Variants in EPHB2 observed in about 807,000 individuals in gnomAD.
The protein encoded by EPHB2 is EPH receptor B2.
In EPHB2, 18 loss-of-function variants were observed where a neutral mutation model predicts 96.4. The observed-to-expected ratio is 0.19, with a 90% CI of 0.13 to 0.28. EPHB2 has a LOEUF of 0.28. Ranked by LOEUF, EPHB2 falls within the 10% of genes least tolerant of loss-of-function variation. The probability of loss-of-function intolerance (pLI) is 1.00; values close to 1 mark genes in which losing one functional copy is unlikely to be tolerated. For synonymous variants in EPHB2, 506 were observed against 534.1 expected (o/e 0.95, Z 0.72); for missense variants, 989 against 1,355.4 (o/e 0.73, Z 4.25).
At chr1:22,873,968 G>A (rs1396429811) in intron 5 of EPHB2, among the ~76,000 whole-genome samples, 1 of 152,230 alleles carries the variant, frequency 6.6e-6, no homozygotes, top group Admixed American at 6.5e-5. Context: ...ATGGATAGTT[G>A]TAGCGTCTGC....
chr1:22,759,903 A>G (rs1446255739), intron 1 of EPHB2, among the ~76,000 whole-genome samples: 3 of 152,184 alleles, frequency 2.0e-5, no homozygotes, highest in African/African-American at 7.2e-5. Flanking sequence ...GCAGGCCTGC[A>G]TGTGTGTCAG....
intron 3 of EPHB2, among the ~76,000 whole-genome samples, chr1:22,835,067 G>A (rs1645360030): frequency 6.6e-6 from 1 of 152,098 alleles, no homozygotes. Flanking sequence ...ATTGTATACA[G>A]CACAGGAGTT....
chr1:22,808,918 C>T (rs1313501081), intron 3 of EPHB2, among the ~76,000 whole-genome samples: 2 of 152,222 alleles, frequency 1.3e-5, no homozygotes, highest in Non-Finnish European at 2.9e-5. Context: ...CATGGGACCT[C>T]GTGGCCCCCA....
chr1:22,778,001 G>C (rs529752854), intron 1 of EPHB2, among the ~76,000 whole-genome samples: 55 of 148,064 alleles, frequency 3.7e-4, no homozygotes, highest in Admixed American at 6.2e-4. Context: ...AACAAATAAA[G>C]GTCCGTTTGT....
intron 1 of EPHB2, among the ~76,000 whole-genome samples, chr1:22,766,830 G>A (rs1247814591): frequency 6.6e-6 from 1 of 152,228 alleles, no homozygotes; most frequent in African/African-American, 2.4e-5. Flanking sequence ...GCTGCCCCAG[G>A]CTGCTGCTAT....
At chr1:22,803,207 T>C (rs1334879416) in intron 3 of EPHB2, among the ~76,000 whole-genome samples, 1 of 152,130 alleles carries the variant, frequency 6.6e-6, no homozygotes, top group East Asian at 1.9e-4. Context: ...CATAGCTGCC[T>C]GGGCCGGGCA....
At chr1:22,850,422 C>T (rs896938991) in intron 3 of EPHB2, among the ~76,000 whole-genome samples, 1 of 152,228 alleles carries the variant, frequency 6.6e-6, no homozygotes, top group Non-Finnish European at 1.5e-5. Context: ...CTCACCCTCA[C>T]GGTACCAGGA....
At chr1:22,828,274 A>T (rs1474467571) in intron 3 of EPHB2, among the ~76,000 whole-genome samples, 2 of 151,988 alleles carry the variant, frequency 1.3e-5, no homozygotes, top group Admixed American at 1.3e-4. Flanking sequence ...GTGGGTGCAT[A>T]TGCCTCTCCA....
chr1:22,719,590 C>T (rs146604568), intron 1 of EPHB2: 2 of 152,204 alleles, frequency 1.3e-5, no homozygotes, highest in Non-Finnish European at 1.5e-5. Flanking sequence ...GGAGACGTAC[C>T]CTTGGTGCTC....
At chr1:22,892,751 G>A (rs919744370) in intron 6 of EPHB2, 133 bp from the exon 7 acceptor site, 7 of 1,110,558 alleles carry the variant, frequency 6.3e-6, no homozygotes, top group African/African-American at 6.1e-5. Context: ...TTAAAGGGAG[G>A]GGATGAAGAA....
chr1:22,790,525 G>A lies in EPHB2; in HGVS notation c.811+5449G>A, dbSNP rs568931236. On this transcript the variant is annotated intron_variant, in intron 3 of 15. Coordinates refer to ENST00000374630, the MANE Select transcript of EPHB2 (RefSeq NM_017449.5). The surrounding 1 kb of genome is among the most constrained non-coding windows in gnomAD (Gnocchi z 4.0). ...TCTGACTCTTTCTAGAGTATGATAG[G>A]TGTGATTGTGAATGTTCCCCTGCCC... Among the ~76,000 whole-genome samples, 3 of 152,244 alleles carry A rather than the reference G, an allele frequency of 2.0e-5. No homozygotes were observed. Among genetic ancestry groups the A allele is most frequent in the African/African-American group, 7.2e-5 (3 of 41,542 alleles).
At chr1:22,802,375 A>G (rs1023846262) in intron 3 of EPHB2, among the ~76,000 whole-genome samples, 1 of 151,990 alleles carries the variant, frequency 6.6e-6, no homozygotes, top group Non-Finnish European at 1.5e-5. Flanking sequence ...TTGACTCTTC[A>G]TTTGCAAAAC....
At chr1:22,735,634 G>T (rs959416138) in intron 1 of EPHB2, among the ~76,000 whole-genome samples, 1 of 152,100 alleles carries the variant, frequency 6.6e-6, no homozygotes, top group Non-Finnish European at 1.5e-5. Context: ...ACTTCCCAGG[G>T]GTCTGATTTG....
At chr1:22,764,616 C>T (rs1283727603) in intron 1 of EPHB2, among the ~76,000 whole-genome samples, 10 of 151,904 alleles carry the variant, frequency 6.6e-5, no homozygotes, top group Non-Finnish European at 1.3e-4. Context: ...TGTGGTGGCT[C>T]GCACCTATAA....
rs543853925 is a variant in EPHB2 at position 22,747,926 on chromosome 1, GATA to G, written c.62-33490_62-33488del. 3.0e-3 allele frequency among the ~76,000 whole-genome samples: 450 copies of G among 152,302 alleles called. 5 individuals are homozygous for G. The highest frequency in any genetic ancestry group is 0.01 in the African/African-American group (419 of 41,564). On this transcript the variant is annotated intron_variant, in intron 1 of 15. Transcript: ENST00000374630. Reference sequence around the variant, plus strand: ...TCAGTTACTTCATTCAGCACCTGAAGATAATAACACACTGTGGTGGAGCTGTGT... The same window carrying G: ...TCAGTTACTTCATTCAGCACCTGAAGATAACACACTGTGGTGGAGCTGTGT...
At chr1:22,775,110 C>G (rs547429702) in intron 1 of EPHB2, 46 of 753,516 alleles carry the variant, frequency 6.1e-5, no homozygotes, top group Admixed American at 4.0e-4. Context: ...TGCACACACA[C>G]AAGCCCTGAT....
intron 3 of EPHB2, among the ~76,000 whole-genome samples, chr1:22,851,637 T>G (rs1051884143): frequency 2.6e-5 from 4 of 152,002 alleles, no homozygotes; most frequent in East Asian, 3.9e-4. Flanking sequence ...AATAAGGAAC[T>G]TAGCCCAGAA....
Position 22,733,450 on chromosome 1 carries a change from T to C in EPHB2, c.61+22407T>C, listed in dbSNP as rs1643760547. On this transcript the variant is annotated intron_variant, in intron 1 of 15. Coordinates refer to ENST00000374630, the MANE Select transcript of EPHB2 (RefSeq NM_017449.5). This position sits in a 1 kb window ranked among gnomAD's most constrained non-coding sequence, Gnocchi z 4.6. ...AGTCACACAGTGATGAGTGATGATATGAATGATGAAAATATTAGCGTTATA... is the reference window on the plus strand; with the variant it reads ...AGTCACACAGTGATGAGTGATGATACGAATGATGAAAATATTAGCGTTATA... Among the ~76,000 whole-genome samples the C allele has an allele frequency of 6.6e-6, 1 of 152,210 alleles. No homozygotes were observed. Among genetic ancestry groups the C allele is most frequent in the African/African-American group, 2.4e-5 (1 of 41,452 alleles).
At chr1:22,903,426 T>A (rs1639811608) in intron 9 of EPHB2, among the ~76,000 whole-genome samples, 1 of 152,204 alleles carries the variant, frequency 6.6e-6, no homozygotes, top group Non-Finnish European at 1.5e-5. Context: ...GAGGTGATCA[T>A]GGCGGAATAC....
Sources: gnomAD v4.1 joint callset for allele counts (sites outside exome capture counted in the v4.1 genomes callset) on GRCh38, gnomAD v4.1.1 for gene constraint, Gnocchi (gnomAD v3.1) non-coding constraint, MANE v1.5 for transcripts, NCBI Gene and HGNC (gene_info 2026-07-23, HGNC 2026-07-21) for gene names.